Variants in STMN3 observed in about 807,000 individuals in gnomAD.
STMN3 encodes stathmin-3.
Under a neutral mutation model 23.2 loss-of-function variants are expected in STMN3, and 24 were observed. The observed-to-expected ratio is 1.03, with a 90% CI of 0.75 to 1.45. The LOEUF (loss-of-function observed/expected upper bound fraction) is 1.45. Among genes scored for constraint, STMN3 ranks in the 40% most tolerant of loss-of-function variants. The probability of loss-of-function intolerance (pLI) is 0.00; values close to 1 mark genes in which losing one functional copy is unlikely to be tolerated. For missense variants in STMN3, 235 were observed against 237.6 expected, an observed-to-expected ratio of 0.99 and a Z score of 0.07; for synonymous variants, 117 against 103.4, an observed-to-expected ratio of 1.13 and a Z score of -0.80.
intron 1 of STMN3, among the ~76,000 whole-genome samples, chr20:63,651,598 C>T (rs2089859109): frequency 6.6e-6 from 1 of 152,206 alleles, no homozygotes; most frequent in South Asian, 2.1e-4. Context: ...ATGTGGCTAC[C>T]ACAGTCAGGC....
At chr20:63,651,617 G>A (rs2089859201) in intron 1 of STMN3, among the ~76,000 whole-genome samples, 6 of 152,208 alleles carry the variant, frequency 3.9e-5, no homozygotes, top group East Asian at 1.9e-4. Flanking sequence ...GCTGCTTGAC[G>A]TGCGGTGAGC....
At chr20:63,644,431 C>T in intron 1 of STMN3, 122 bp from the exon 2 acceptor site, 1 of 712,098 alleles carries the variant, frequency 1.4e-6, no homozygotes, top group Non-Finnish European at 2.4e-6. Context: ...CCAGCACGCT[C>T]TCTTGTGTGT....
At chr20:63,647,811 G>T (rs995857120) in intron 1 of STMN3, among the ~76,000 whole-genome samples, 1 of 117,506 alleles carries the variant, frequency 8.5e-6, no homozygotes, top group South Asian at 2.5e-4. Context: ...ATATATACAC[G>T]TGTATATATA....
intron 1 of STMN3, among the ~76,000 whole-genome samples, chr20:63,648,763 C>T (rs932683231): frequency 6.6e-6 from 1 of 151,828 alleles, no homozygotes; most frequent in Non-Finnish European, 1.5e-5. Flanking sequence ...ATGTGTTTAC[C>T]ATAAAGGCCA....
chr20:63,643,436 C>T (rs2089784036), intron 3 of STMN3, among the ~76,000 whole-genome samples: 1 of 152,184 alleles, frequency 6.6e-6, no homozygotes, highest in Non-Finnish European at 1.5e-5. Context: ...TGTGCACCAC[C>T]ACACCTGGCT....
chr20:63,642,302 G>A lies in STMN3; in HGVS notation c.292-3C>T. 1 of 1,496,006 alleles carries A rather than the reference G, an allele frequency of 6.7e-7. No individual in the cohort carries two copies. Among genetic ancestry groups the A allele is most frequent in the Non-Finnish European group, 8.9e-7 (1 of 1,121,782 alleles). 92.7% of individuals were successfully genotyped at this position (1,496,006 alleles called of 1,614,324 possible). On this transcript the variant is annotated splice_polypyrimidine_tract_variant and splice_region_variant and intron_variant, in intron 3 of 4. Coordinates refer to ENST00000370053, the MANE Select transcript of STMN3 (RefSeq NM_015894.4). The stretch of plus-strand genomic sequence containing the variant: ...TTCAGCACCTGCGCCTCCTGCGTCT[G>A]TGCGGGGCCGGCGGGCGCGCGTGAG...
chr20:63,646,489 G>A (rs1569069314), intron 1 of STMN3, among the ~76,000 whole-genome samples: 2 of 151,894 alleles, frequency 1.3e-5, no homozygotes, highest in Non-Finnish European at 2.9e-5. Context: ...CGAGTAGCTG[G>A]GACCACAGGC....
At chr20:63,643,380 C>T (rs1377259349) in intron 3 of STMN3, among the ~76,000 whole-genome samples, 1 of 152,188 alleles carries the variant, frequency 6.6e-6, no homozygotes, top group African/African-American at 2.4e-5. Context: ...TTCTTGGGTT[C>T]AAGCAATTCC....
chr20:63,642,729 C>T (rs2089778987), intron 3 of STMN3, among the ~76,000 whole-genome samples: 1 of 152,228 alleles, frequency 6.6e-6, no homozygotes, highest in South Asian at 2.1e-4. Flanking sequence ...GCTTGTTACA[C>T]ACCGGGTTCC....
chr20:63,653,376 T>G lies in STMN3; in HGVS notation c.-31A>C. ...TGGCGGCGGTTGGGCCTGCGGAGGC[T>G]GGAGAGGCGCAAGTGGCGGCCGGAG... is the stretch of plus-strand genomic sequence containing the variant. On this transcript the variant is annotated 5_prime_UTR_variant, in exon 1 of 5. Coordinates refer to ENST00000370053, the MANE Select transcript of STMN3 (RefSeq NM_015894.4). 6.7e-7 allele frequency: 1 copy of G among 1,483,842 alleles called. No individual in the cohort carries two copies. Among genetic ancestry groups the G allele is most frequent in the Non-Finnish European group, 9.0e-7 (1 of 1,112,016 alleles). The allele number at this position is 1,483,842 out of a possible 1,614,324, so 91.9% of individuals were successfully genotyped here.
intron 1 of STMN3, among the ~76,000 whole-genome samples, chr20:63,644,563 C>G (rs2089794740): frequency 6.6e-6 from 1 of 152,234 alleles, no homozygotes; most frequent in African/African-American, 2.4e-5. Flanking sequence ...CTTTTCCTCT[C>G]TCTCGGCATT....
Position 63,641,119 on chromosome 20 carries a change from G to C in STMN3, c.*219C>G, listed in dbSNP as rs2089757638. 2 of 623,326 alleles carry C rather than the reference G, an allele frequency of 3.2e-6. No homozygotes were observed. The highest frequency in any genetic ancestry group is 5.6e-5 in the East Asian group (2 of 35,488). The allele number at this position is 623,326 out of a possible 1,614,324, so 38.6% of individuals were successfully genotyped here. A position where few individuals can be genotyped will look rare whatever the true frequency, so the allele number is the denominator to read the frequency against. ...GCGCCCGGCCTGGTGTCTGCACCGA[G>C]GGACCGCGTCTCACGCCCGGCGGCT... On this transcript the variant is annotated 3_prime_UTR_variant, in exon 5 of 5. Transcript: ENST00000370053.
At chr20:63,648,830 A>G (rs891394870) in intron 1 of STMN3, among the ~76,000 whole-genome samples, 1 of 152,124 alleles carries the variant, frequency 6.6e-6, no homozygotes, top group African/African-American at 2.4e-5. Flanking sequence ...TGAAATTTTC[A>G]CCGAAAAAAA....
rs538473479 is a variant in STMN3, at chr20:63,645,909, C to T, written c.20-1600G>A. 1.2e-4 allele frequency among the ~76,000 whole-genome samples: 18 copies of T among 152,092 alleles called. No individual in the cohort carries two copies. The South Asian group carries it at 3.1e-3, about 26-fold the overall frequency. On this transcript the variant is annotated intron_variant, in intron 1 of 4. Coordinates refer to ENST00000370053, the MANE Select transcript of STMN3 (RefSeq NM_015894.4). Reference sequence around the variant, plus strand: ...CGGAGGTTGCAGTGAGCCGAGGTCGCGCCATCGCACTCCAGCCTGGGTGAC... The same window carrying T: ...CGGAGGTTGCAGTGAGCCGAGGTCGTGCCATCGCACTCCAGCCTGGGTGAC...
rs1305802911 is a variant in STMN3, at chr20:63,653,316, C to T, written c.19+11G>A. 1.9e-6 allele frequency: 3 copies of T among 1,546,562 alleles called. No homozygotes were observed. In the East Asian group the frequency reaches 7.4e-5, roughly 38 times the overall value. On this transcript the variant is annotated intron_variant, in intron 1 of 4. Transcript: ENST00000370053. ...CCGCCGCCCCACAAAGCCCGTGGCC[C>T]CGGAGCCTACCGGAAATGGTGCTGG...
chr20:63,644,864 C>T (rs1181564583), intron 1 of STMN3, among the ~76,000 whole-genome samples: 2 of 151,878 alleles, frequency 1.3e-5, no homozygotes, highest in Non-Finnish European at 2.9e-5. Flanking sequence ...ACCGACTCTG[C>T]CGGCACCTTG....
intron 3 of STMN3, 90 bp downstream of exon 3, chr20:63,643,666 G>A (rs1473510354): frequency 6.9e-7 from 1 of 1,443,966 alleles, no homozygotes; most frequent in Non-Finnish European, 9.0e-7. Flanking sequence ...GACCAAGCCT[G>A]TCCGGGAGCA....
Position 63,642,112 on chromosome 20 carries a change from T to A in STMN3, c.479A>T (p.Glu160Val), listed in dbSNP as rs1378502965. The A allele has an allele frequency of 5.5e-6, 7 of 1,268,884 alleles. No individual in the cohort carries two copies. The highest frequency in any genetic ancestry group is 7.2e-6 in the Non-Finnish European group (7 of 975,012). 78.6% of individuals were successfully genotyped at this position (1,268,884 alleles called of 1,614,324 possible). ...HLAALRERLR[E>V]KELHAAEVRR... Reference sequence around the variant, plus strand: ...GCCCCGGCCCCGCCCCCGCACCTTCTCGCGCAGCCGCTCGCGCAGTGCGGC... The same window carrying A: ...GCCCCGGCCCCGCCCCCGCACCTTCACGCGCAGCCGCTCGCGCAGTGCGGC... Residue 160 changes from glutamate (E) to valine (V), a missense_variant, in exon 4 of 5, where the codon GAG becomes GTG. By Grantham distance (121) the Glu-to-Val change is moderately radical. Coordinates refer to ENST00000370053, the MANE Select transcript of STMN3 (RefSeq NM_015894.4).
chr20:63,652,463 G>T lies in STMN3; in HGVS notation c.19+864C>A. On this transcript the variant is annotated intron_variant, in intron 1 of 4. Coordinates refer to ENST00000370053, the MANE Select transcript of STMN3 (RefSeq NM_015894.4). The surrounding 1 kb of genome is among the most constrained non-coding windows in gnomAD (Gnocchi z 5.3). ...CGGGCCCAGCGTCCTCGCGCCCGAG[G>T]TCGCCCGGCAGCTCCCCTGCGTCCA... 1 of 668,584 alleles carries T rather than the reference G, an allele frequency of 1.5e-6. No homozygotes were observed. Among genetic ancestry groups the T allele is most frequent in the Non-Finnish European group, 1.9e-6 (1 of 540,040 alleles). 41.4% of individuals were successfully genotyped at this position (668,584 alleles called of 1,614,324 possible). A position where few individuals can be genotyped will look rare whatever the true frequency, so the allele number is the denominator to read the frequency against.
Sources: gnomAD v4.1 joint callset for allele counts (sites outside exome capture counted in the v4.1 genomes callset) on GRCh38, gnomAD v4.1.1 for gene constraint, Gnocchi (gnomAD v3.1) non-coding constraint, MANE v1.5 for transcripts, NCBI Gene and HGNC (gene_info 2026-07-23, HGNC 2026-07-21) for gene names.